AFAP1L1: variants seen among roughly 807,000 people sequenced by gnomAD.
AFAP1L1 encodes the protein actin filament associated protein 1 like 1.
Under a neutral mutation model 99.8 loss-of-function variants are expected in AFAP1L1, and 77 were observed. That is an observed-to-expected ratio of 0.77 (90% CI 0.64 to 0.93). The LOEUF (loss-of-function observed/expected upper bound fraction) is 0.93. Ranked by LOEUF, AFAP1L1 falls within the 40% of genes least tolerant of loss-of-function variation. The pLI, the probability that AFAP1L1 is intolerant of heterozygous loss-of-function variation, is 0.00. For missense variants in AFAP1L1, 893 were observed against 996.8 expected (o/e 0.90, Z 1.40); for synonymous variants, 373 against 395.3 (o/e 0.94, Z 0.67).
chr5:149,337,773 T>C (rs1169761058), intron 18 of AFAP1L1, among the ~76,000 whole-genome samples: 2 of 152,040 alleles, frequency 1.3e-5, no homozygotes, highest in Admixed American at 6.6e-5. Flanking sequence ...CATATATATA[T>C]ACATATATAT....
intron 12 of AFAP1L1, among the ~76,000 whole-genome samples, chr5:149,319,178 T>C (rs929719385): frequency 6.6e-6 from 1 of 152,222 alleles, no homozygotes; most frequent in African/African-American, 2.4e-5. Flanking sequence ...TTGGCAACTA[T>C]AACACAAGAA....
intron 1 of AFAP1L1, among the ~76,000 whole-genome samples, chr5:149,283,421 T>A (rs1026782004): frequency 6.6e-6 from 1 of 152,174 alleles, no homozygotes; most frequent in Non-Finnish European, 1.5e-5. Flanking sequence ...GAGAATTTTT[T>A]TTTCTGACAG....
Position 149,315,866 on chromosome 5 carries a change from G to A in AFAP1L1, c.1066G>A (p.Val356Met), listed in dbSNP as rs1425064927. The change falls in exon 10 of 19, where the codon GTG becomes ATG. Residue 356 changes from valine (V) to methionine (M), a missense_variant. By Grantham distance (21) the Val-to-Met change is conservative. Coordinates refer to ENST00000296721, the MANE Select transcript of AFAP1L1 (RefSeq NM_152406.4). ...GACCTCAGATTCTGACAGCGTGGGT[G>A]TGGGTGACAACTGTTCTACCCTTGG... ...KQTSDSDSVGVGDNCSTLGRR... is the reference protein window; with the variant it reads ...KQTSDSDSVGMGDNCSTLGRR... 6.2e-7 allele frequency: 1 copy of A among 1,614,186 alleles called. No individual in the cohort carries two copies. Among genetic ancestry groups the A allele is most frequent in the Non-Finnish European group, 8.5e-7 (1 of 1,180,030 alleles).
chr5:149,317,915 A>T lies in AFAP1L1; in HGVS notation c.1454A>T (p.Asn485Ile). ...CCATTTGCCTTCAGGATCCTGCGCA[A>T]CCGGCAGGAGGTGGCCATCTTGGAG... ...RHPFAFRILR[N>I]RQEVAILEAS... is the part of the protein sequence containing the mutation. Residue 485 changes from asparagine (N) to isoleucine (I), a missense_variant, in exon 12 of 19, where the codon AAC becomes ATC. Physicochemically the swap from Asn to Ile is moderately radical, Grantham distance 149. Transcript: ENST00000296721. The T allele has an allele frequency of 6.3e-7, 1 of 1,580,790 alleles. No individual in the cohort carries two copies. Among genetic ancestry groups the T allele is most frequent in the Non-Finnish European group, 8.6e-7 (1 of 1,163,042 alleles).
At chr5:149,314,158 A>G (rs1269466007) in intron 9 of AFAP1L1, among the ~76,000 whole-genome samples, 1 of 152,230 alleles carries the variant, frequency 6.6e-6, no homozygotes, top group Non-Finnish European at 1.5e-5. Flanking sequence ...CAGAGTCACC[A>G]GGAGTGGAAG....
At chr5:149,333,319 C>T (rs1051717835) in intron 17 of AFAP1L1, among the ~76,000 whole-genome samples, 2 of 152,214 alleles carry the variant, frequency 1.3e-5, no homozygotes, top group African/African-American at 4.8e-5. Flanking sequence ...GAATGACTTG[C>T]TCAAGGTCAC....
At chr5:149,333,302 A>G (rs922999875) in intron 17 of AFAP1L1, among the ~76,000 whole-genome samples, 1 of 152,234 alleles carries the variant, frequency 6.6e-6, no homozygotes. Context: ...TAAGGTTCAG[A>G]GATGTCGAAT....
chr5:149,312,514 A>C, intron 9 of AFAP1L1: 1 of 414,458 alleles, frequency 2.4e-6, no homozygotes, highest in South Asian at 2.1e-5. Flanking sequence ...CAATTAGAAA[A>C]AGAGGGTGTA....
In AFAP1L1 at chr5:149,317,768, G is replaced by C. The variant is rs137925989; in HGVS notation, c.1307G>C (p.Arg436Pro). 2 of 1,614,086 alleles carry C rather than the reference G, an allele frequency of 1.2e-6. No individual in the cohort carries two copies. The highest frequency in any genetic ancestry group is 2.2e-5 in the South Asian group (2 of 91,016). The change falls in exon 12 of 19, where the codon CGC becomes CCC. Residue 436 changes from arginine to proline, a missense_variant. Arg to Pro is a moderately radical substitution (Grantham distance 103). Coordinates refer to ENST00000296721, the MANE Select transcript of AFAP1L1 (RefSeq NM_152406.4). ...NVLVNQGWKE[R>P]WCRLKCNTLY... ...CTGGTGAACCAGGGCTGGAAGGAAC[G>C]CTGGTGCCGCCTGAAGTGCAACACT...
In AFAP1L1 at chr5:149,328,320, C is replaced by CA. The variant is rs141179077; in HGVS notation, c.1811-1336dup. Among the ~76,000 whole-genome samples the CA allele has an allele frequency of 2.4e-4, 35 of 147,716 alleles. 1 individual carries two copies. The highest frequency in any genetic ancestry group is 1.2e-3 in the Admixed American group (18 of 14,762). ...GCTGTGTGCGCCTCTGTATAGCGCA[C>CA]AAAAAAAAAAGTAAAACTTTCCCTA... On this transcript the variant is annotated intron_variant, in intron 15 of 18. Transcript: ENST00000296721.
chr5:149,327,479 G>A (rs1299748116), intron 15 of AFAP1L1, among the ~76,000 whole-genome samples: 4 of 151,926 alleles, frequency 2.6e-5, no homozygotes, highest in Admixed American at 2.6e-4. Context: ...CTACACTACA[G>A]TTATATGGAA....
intron 12 of AFAP1L1, 37 bp downstream of exon 12, chr5:149,317,977 C>T: frequency 6.5e-7 from 1 of 1,544,986 alleles, no homozygotes; most frequent in African/African-American, 1.4e-5. Context: ...GGCTCTTGGT[C>T]TGGGGACTCT....
At position 149,340,279 on chromosome 5, in the gene AFAP1L1, A is replaced by G. The variant is rs988001337; in HGVS notation, c.*249A>G. ...GGTGGAAATGAGGATGGAGGGATAC[A>G]GAAGTCTGCACAGCTGTAAAGGTTT... On this transcript the variant is annotated 3_prime_UTR_variant, in exon 19 of 19. Transcript: ENST00000296721. 30 of 485,446 alleles carry G rather than the reference A, an allele frequency of 6.2e-5. No individual in the cohort carries two copies. The highest frequency in any genetic ancestry group is 1.0e-4 in the Non-Finnish European group (27 of 266,260). The allele number at this position is 485,446 out of a possible 1,614,324, so 30.1% of individuals were successfully genotyped here. A position where few individuals can be genotyped will look rare whatever the true frequency, so the allele number is the denominator to read the frequency against.
intron 1 of AFAP1L1, among the ~76,000 whole-genome samples, chr5:149,284,605 G>A (rs1242156392): frequency 6.6e-6 from 1 of 152,224 alleles, no homozygotes; most frequent in Non-Finnish European, 1.5e-5. Flanking sequence ...CCCATCCTGG[G>A]AAGGGATGGG....
intron 9 of AFAP1L1, among the ~76,000 whole-genome samples, chr5:149,313,387 C>T (rs182507711): frequency 6.6e-6 from 1 of 152,306 alleles, no homozygotes; most frequent in Admixed American, 6.5e-5. Context: ...CTGCAGTGTA[C>T]TAAATGCTTT....
intron 1 of AFAP1L1, among the ~76,000 whole-genome samples, chr5:149,276,213 A>T (rs1193572328): frequency 6.6e-6 from 1 of 152,236 alleles, no homozygotes; most frequent in African/African-American, 2.4e-5. Flanking sequence ...TTTCACAGCA[A>T]TTGCTGTGAA....
intron 1 of AFAP1L1, among the ~76,000 whole-genome samples, chr5:149,275,395 T>G (rs946242729): frequency 1.3e-5 from 2 of 152,214 alleles, no homozygotes; most frequent in African/African-American, 4.8e-5. Flanking sequence ...TTTTGCCATG[T>G]CCCTTCGTGG....
At chr5:149,294,555 C>A (rs899834098) in intron 1 of AFAP1L1, among the ~76,000 whole-genome samples, 1 of 152,182 alleles carries the variant, frequency 6.6e-6, no homozygotes, top group Non-Finnish European at 1.5e-5. Context: ...CGGGTTTTCT[C>A]TGGGATGAGA....
chr5:149,314,344 A>G (rs914294002), intron 9 of AFAP1L1, among the ~76,000 whole-genome samples: 8 of 152,154 alleles, frequency 5.3e-5, no homozygotes, highest in African/African-American at 1.2e-4. Context: ...AAAGATGTGT[A>G]GAGGGGAAGA....
Sources: gnomAD v4.1 joint callset for allele counts (sites outside exome capture counted in the v4.1 genomes callset) on GRCh38, gnomAD v4.1.1 for gene constraint, MANE v1.5 for transcripts, NCBI Gene and HGNC (gene_info 2026-07-23, HGNC 2026-07-21) for gene names.